Variants in MUC4 observed in about 807,000 individuals in gnomAD.
The protein encoded by MUC4 is mucin-4.
MUC4 carries 202 observed loss-of-function variants against 257.9 expected under a neutral mutation model. The ratio of observed to expected loss-of-function variants is 0.78; its 90% confidence interval spans 0.70 to 0.88. MUC4 has a LOEUF of 0.88. Among genes scored for constraint, MUC4 ranks in the 40% least tolerant of loss-of-function variants. The pLI, the probability that MUC4 is intolerant of heterozygous loss-of-function variation, is 0.00. For synonymous variants in MUC4, 2,351 were observed against 2,757.1 expected (o/e 0.85, Z 4.62); for missense variants, 5,976 against 6,513.7 (o/e 0.92, Z 2.84).
Position 195,786,450 on chromosome 3 carries a change from G to A in MUC4, c.5130C>T (p.Ala1710=), listed in dbSNP as rs1187323396. 5.9e-6 allele frequency: 9 copies of A among 1,531,096 alleles called. No individual in the cohort carries two copies. The East Asian group carries it at 1.5e-4, about 25-fold the overall frequency. 94.8% of individuals were successfully genotyped at this position (1,531,096 alleles called of 1,614,324 possible). Residue 1710 remains alanine (A), a synonymous_variant, in exon 2 of 25, where the codon GCC becomes GCT. Transcript: ENST00000463781. ...AAAGGCTGGTGACAGGAAGAGGGGT[G>A]GCCTGACCTGTGGATGCCGAGGAAA... ...TDVSSASTGQ[A]TPLPVTSLSS...
chr3:195,770,241 G>A lies in MUC4; in HGVS notation c.13373C>T (p.Ala4458Val), dbSNP rs779764143. 1 of 1,613,028 alleles carries A rather than the reference G, an allele frequency of 6.2e-7. No individual in the cohort carries two copies. Among genetic ancestry groups the A allele is most frequent in the South Asian group, 1.1e-5 (1 of 90,850 alleles). Residue 4458 changes from alanine (A) to valine (V), a missense_variant, in exon 6 of 25, where the codon GCC becomes GTC. This residue lies in a region of MUC4 where 996 missense variants were observed against 1,137.3 expected (regional missense o/e 0.88). Transcript: ENST00000463781. The stretch of plus-strand genomic sequence containing the variant: ...CCCGAGGGTCCACTGGGCAGGATAG[G>A]CGTGGGCATTGACCCACGTGACCTT... ...ALKVTWVNAH[A>V]YPAQWTLGSN...
intron 17 of MUC4, among the ~76,000 whole-genome samples, chr3:195,758,571 A>ATATTTTTTTTTT (rs1553854547): frequency 2.9e-5 from 1 of 34,332 alleles, no homozygotes; most frequent in Non-Finnish European, 7.2e-5. Flanking sequence ...TGATCTTCAA[A>ATATTTTTTTTTT]TCTTTTTTTT....
At chr3:195,754,133 G>C in intron 19 of MUC4, 80 bp downstream of exon 19, 7 of 1,475,900 alleles carry the variant, frequency 4.7e-6, no homozygotes, top group Non-Finnish European at 6.4e-6. Flanking sequence ...GGAGAGAAAT[G>C]GTTTGCCTTT....
chr3:195,781,225 C>T lies in MUC4; in HGVS notation c.10355G>A (p.Gly3452Asp), dbSNP rs779960353. The T allele has an allele frequency of 3.5e-6, 5 of 1,408,986 alleles. No individual in the cohort carries two copies. The East Asian group carries it at 8.3e-5, about 23-fold the overall frequency. The allele number at this position is 1,408,986 out of a possible 1,614,324, so 87.3% of individuals were successfully genotyped here. ...GGTGACAGGAAGAGGGGTGGTGTGA[C>T]CTGTAGATGCTGAGGAAGTGCTGGT... ...PVTSTSSAST[G>D]HTTPLPVTDT... Residue 3452 changes from glycine to aspartate, a missense_variant, in exon 2 of 25, where the codon GGT becomes GAT. Gly to Asp is a moderately conservative substitution (Grantham distance 94, BLOSUM62 -1). This residue lies in a region of MUC4 where 297 missense variants were observed against 240.9 expected (regional missense o/e 1.23). Transcript: ENST00000463781.
At chr3:195,767,938 T>TACCATC in intron 7 of MUC4, among the ~76,000 whole-genome samples, 1 of 66,738 alleles carries the variant, frequency 1.5e-5, no homozygotes, top group African/African-American at 4.6e-5. Context: ...CCACCGCCAC[T>TACCATC]ACCACCACCA....
intron 1 of MUC4, among the ~76,000 whole-genome samples, chr3:195,801,883 C>T (rs938161037): frequency 2.0e-5 from 3 of 151,958 alleles, no homozygotes; most frequent in African/African-American, 4.8e-5. Flanking sequence ...TTGAAGCTGA[C>T]GGGTCCTGCT....
chr3:195,784,756 A>G lies in MUC4; in HGVS notation c.6824T>C (p.Val2275Ala). 6.9e-7 allele frequency: 1 copy of G among 1,452,596 alleles called. No homozygotes were observed. The highest frequency in any genetic ancestry group is 9.2e-7 in the Non-Finnish European group (1 of 1,082,796). 90.0% of individuals were successfully genotyped at this position (1,452,596 alleles called of 1,614,324 possible). ...TGTGGATACTGAGGAAAGGCTGGTG[A>G]CAGGAAGAGAGGTGGCGTGACCTGT... ...VSTGHATSLP[V>A]TSLSSVSTGD... Residue 2275 changes from valine (V) to alanine (A), a missense_variant, in exon 2 of 25, where the codon GTC (valine) becomes GCC (alanine). By Grantham distance (64) the Val-to-Ala change is moderately conservative. Coordinates refer to ENST00000463781, the MANE Select transcript of MUC4 (RefSeq NM_018406.7).
chr3:195,793,363 G>A (rs185815879), intron 1 of MUC4, among the ~76,000 whole-genome samples: 81 of 152,054 alleles, frequency 5.3e-4, no homozygotes, highest in Admixed American at 3.0e-3. Context: ...ATAGCTGGGC[G>A]TGGTGGTGGG....
intron 3 of MUC4, among the ~76,000 whole-genome samples, chr3:195,775,603 A>C (rs371950774): frequency 1.1e-5 from 1 of 92,648 alleles, no homozygotes. Flanking sequence ...TACCTTCCAC[A>C]CCCATACCTT....
At position 195,779,736 on chromosome 3, in the gene MUC4, ACC is replaced by A; in HGVS notation, c.11842_11843del (p.Gly3948Ter). On this transcript the variant is annotated frameshift_variant, in exon 2 of 25. Coordinates refer to ENST00000463781, the MANE Select transcript of MUC4 (RefSeq NM_018406.7). LOFTEE classifies it high-confidence loss of function. ...CGGTGACAGGAAGAGGGGTGGTGTC[ACC>A]TGTGGATGCTGAGGAAGTGCTGGTG... Reference protein sequence around the residue: ...PVTSTSSASTGDTTPLPVTDT... With the variant: ...PVTSTSSASTXDTTPLPVTDT... The A allele has an allele frequency of 7.0e-7, 1 of 1,436,174 alleles. No homozygotes were observed. The highest frequency in any genetic ancestry group is 9.2e-7 in the Non-Finnish European group (1 of 1,081,216). 89.0% of individuals were successfully genotyped at this position (1,436,174 alleles called of 1,614,324 possible).
rs777511577 is a variant in MUC4 at position 195,790,092 on chromosome 3, G to A, written c.1488C>T (p.Gly496=). 6.2e-7 allele frequency: 1 copy of A among 1,614,048 alleles called. No individual in the cohort carries two copies. Among genetic ancestry groups the A allele is most frequent in the Admixed American group, 1.7e-5 (1 of 60,026 alleles). Residue 496 remains glycine, a synonymous_variant, in exon 2 of 25, where the codon GGC becomes GGT. Transcript: ENST00000463781. ...GTTCTGTTTGTGACCAAGTTGTGTGGCCTTTGCTGGAGAATGAGGAAGGCC... is the reference window on the plus strand; with the variant it reads ...GTTCTGTTTGTGACCAAGTTGTGTGACCTTTGCTGGAGAATGAGGAAGGCC... ...TTWPSSFSSK[G]HTTWSQTELP...
At chr3:195,763,358 T>C (rs1001665305) in intron 12 of MUC4, 75 bp downstream of exon 12, 3 of 1,336,012 alleles carry the variant, frequency 2.2e-6, no homozygotes, top group Middle Eastern at 5.2e-4. Context: ...CTCTCTTCCT[T>C]CTCCTCGGCC....
chr3:195,790,137 A>G lies in MUC4; in HGVS notation c.1443T>C (p.Thr481=). 1 of 1,614,030 alleles carries G rather than the reference A, an allele frequency of 6.2e-7. No individual in the cohort carries two copies. Among genetic ancestry groups the G allele is most frequent in the Non-Finnish European group, 8.5e-7 (1 of 1,179,908 alleles). ...FSPGVSQEIF[T]LHETTTWPSS... is the part of the protein sequence containing the mutation. ...AAGGCCATGTTGTTGTTTCATGTAG[A>G]GTAAATATTTCTTGAGACACACCTG... Residue 481 remains threonine, a synonymous_variant, in exon 2 of 25, where the codon ACT becomes ACC. Coordinates refer to ENST00000463781, the MANE Select transcript of MUC4 (RefSeq NM_018406.7).
intron 3 of MUC4, among the ~76,000 whole-genome samples, chr3:195,774,646 A>T (rs1723930414): frequency 1.3e-5 from 2 of 152,184 alleles, no homozygotes; most frequent in Non-Finnish European, 2.9e-5. Context: ...TCACGCCTGT[A>T]ATCCCAGCAC....
At position 195,782,868 on chromosome 3, in the gene MUC4, T is replaced by A; in HGVS notation, c.8712A>T (p.Ser2904=). Residue 2904 remains serine (S), a synonymous_variant, in exon 2 of 25, where the codon TCA becomes TCT. Transcript: ENST00000463781. ...GAGGCGTGGTGTCACCTGTGGATAC[T>A]GAGGAAAGGCTGGTGAGAGGAAGAG... ...ATPLPLTSLS[S]VSTGDTTPLP... 3.9e-6 allele frequency: 6 copies of A among 1,521,518 alleles called. No individual in the cohort carries two copies. Among genetic ancestry groups the A allele is most frequent in the Non-Finnish European group, 4.4e-6 (5 of 1,127,916 alleles). The allele number at this position is 1,521,518 out of a possible 1,614,324, so 94.3% of individuals were successfully genotyped here.
rs1324190462 is a variant in MUC4, at chr3:195,782,874, A to G, written c.8706T>C (p.Leu2902=). 3 of 1,521,768 alleles carry G rather than the reference A, an allele frequency of 2.0e-6. No homozygotes were observed. The Admixed American group carries it at 6.0e-5, about 31-fold the overall frequency. The allele number at this position is 1,521,768 out of a possible 1,614,324, so 94.3% of individuals were successfully genotyped here. The change falls in exon 2 of 25, where the codon CTT becomes CTC. Residue 2902 remains leucine (L), a synonymous_variant. Transcript: ENST00000463781. The stretch of plus-strand genomic sequence containing the variant: ...TGGTGTCACCTGTGGATACTGAGGA[A>G]AGGCTGGTGAGAGGAAGAGGGGTAG... ...GHATPLPLTS[L]SSVSTGDTTP... is the part of the protein sequence containing the mutation.
Position 195,786,209 on chromosome 3 carries a change from T to A in MUC4, c.5371A>T (p.Thr1791Ser), listed in dbSNP as rs1463441205. 1.3e-6 allele frequency: 2 copies of A among 1,481,722 alleles called. No homozygotes were observed. The highest frequency in any genetic ancestry group is 1.2e-5 in the South Asian group (1 of 81,030). The allele number at this position is 1,481,722 out of a possible 1,614,324, so 91.8% of individuals were successfully genotyped here. A position where few individuals can be genotyped will look rare whatever the true frequency, so the allele number is the denominator to read the frequency against. ...GLSSASTDDTTRLPVTDVSSA... is the reference protein window; with the variant it reads ...GLSSASTDDTSRLPVTDVSSA... ...GAAACGTCGGTGACAGGAAGACGGG[T>A]GGTGTCATCTGTGGAAGCTGAAGAA... Residue 1791 changes from threonine (T) to serine (S), a missense_variant, in exon 2 of 25, where the codon ACC (threonine) becomes TCC (serine). By Grantham distance (58) the Thr-to-Ser change is moderately conservative. Around this residue, in one of 44 missense-constraint regions of MUC4, gnomAD observed 19 missense variants for 31.6 expected, o/e 0.60. Coordinates refer to ENST00000463781, the MANE Select transcript of MUC4 (RefSeq NM_018406.7).
At position 195,784,181 on chromosome 3, in the gene MUC4, C is replaced by A. The variant is rs769620731; in HGVS notation, c.7399G>T (p.Gly2467Cys). The A allele has an allele frequency of 2.0e-6, 3 of 1,508,370 alleles. No homozygotes were observed. Among genetic ancestry groups the A allele is most frequent in the Non-Finnish European group, 2.7e-6 (3 of 1,123,054 alleles). 93.4% of individuals were successfully genotyped at this position (1,508,370 alleles called of 1,614,324 possible). The stretch of plus-strand genomic sequence containing the variant: ...GTGGATACTGAGGAAGTGTCGGTGC[C>A]AGGAAGAGGGGTGGTGTCACCTGTG... ...ASTGDTTPLP[G>C]TDTSSVSTGH... Residue 2467 changes from glycine to cysteine, a missense_variant, in exon 2 of 25, where the codon GGC becomes TGC. Around this residue, in one of 44 missense-constraint regions of MUC4, gnomAD observed 57 missense variants for 116.5 expected, o/e 0.49. Transcript: ENST00000463781.
chr3:195,767,786 ATCATTG>A (rs1333234594), intron 7 of MUC4, among the ~76,000 whole-genome samples: 5 of 108,958 alleles, frequency 4.6e-5, no homozygotes, highest in Non-Finnish European at 9.5e-5. Flanking sequence ...CATCACCACC[ATCATTG>A]CCACCACCAT....
Sources: gnomAD v4.1 joint callset for allele counts (sites outside exome capture counted in the v4.1 genomes callset) on GRCh38, gnomAD v4.1.1 for gene constraint, gnomAD v4.1.1 regional missense constraint, MANE v1.5 for transcripts, NCBI Gene and HGNC (gene_info 2026-07-23, HGNC 2026-07-21) for gene names.